Variants in STRIP2 observed in about 807,000 individuals in gnomAD.
STRIP2 encodes striatin-interacting protein 2.
Under a neutral mutation model 107.1 loss-of-function variants are expected in STRIP2, and 84 were observed. The ratio of observed to expected loss-of-function variants is 0.78; its 90% CI spans 0.66 to 0.94. The LOEUF (loss-of-function observed/expected upper bound fraction) is 0.94. Among genes scored for constraint, STRIP2 ranks in the 40% least tolerant of loss-of-function variants. The pLI is 0.00. For synonymous variants in STRIP2, 394 were observed against 400.4 expected, an observed-to-expected ratio of 0.98 and a Z score of 0.19; for missense variants, 888 against 1,034.2, an observed-to-expected ratio of 0.86 and a Z score of 1.94.
chr7:129,467,531 T>G, intron 17 of STRIP2, 81 bp downstream of exon 17: 1 of 964,224 alleles, frequency 1.0e-6, no homozygotes, highest in South Asian at 1.5e-5. Context: ...GCCTTTCAGT[T>G]TTCCTGGTGT....
intron 1 of STRIP2, among the ~76,000 whole-genome samples, chr7:129,437,808 T>G (rs1288590564): frequency 6.0e-5 from 9 of 151,256 alleles, no homozygotes; most frequent in Middle Eastern, 3.4e-3. Flanking sequence ...CTTGTTTTTT[T>G]TTGTTTTTTT....
At chr7:129,459,440 A>G in intron 11 of STRIP2, 77 bp from the exon 12 acceptor site, 1 of 1,254,270 alleles carries the variant, frequency 8.0e-7, no homozygotes, top group Non-Finnish European at 1.2e-6. Flanking sequence ...TGGTCTGTTG[A>G]CTCTAGGGGG....
chr7:129,434,484 C>G lies in STRIP2; in HGVS notation c.12C>G (p.Pro4=). 1 of 1,514,412 alleles carries G rather than the reference C, an allele frequency of 6.6e-7. No individual in the cohort carries two copies. Among genetic ancestry groups the G allele is most frequent in the South Asian group, 1.2e-5 (1 of 81,690 alleles). 93.8% of individuals were successfully genotyped at this position (1,514,412 alleles called of 1,614,324 possible). Reference sequence around the variant, plus strand: ...CGCTGACCAGCAGCATGGAGGACCCCGCCGCGCCTGGGACCGGGGGCCCGC... The same window carrying G: ...CGCTGACCAGCAGCATGGAGGACCCGGCCGCGCCTGGGACCGGGGGCCCGC... MED[P]AAPGTGGPPA... Residue 4 remains proline (P), a synonymous_variant, in exon 1 of 21, where the codon CCC becomes CCG. Transcript: ENST00000249344.
chr7:129,434,845 G>A (rs1797689262), intron 1 of STRIP2, among the ~76,000 whole-genome samples: 1 of 152,262 alleles, frequency 6.6e-6, no homozygotes, highest in Non-Finnish European at 1.5e-5. Context: ...GCGAAGATGA[G>A]CGCGGTATTG....
chr7:129,480,689 A>G (rs1425596154), intron 18 of STRIP2, 96 bp from the exon 19 acceptor site: 1 of 883,252 alleles, frequency 1.1e-6, no homozygotes, highest in Non-Finnish European at 1.8e-6. Context: ...TCATACAGGA[A>G]GGCCTCACCT....
intron 18 of STRIP2, among the ~76,000 whole-genome samples, chr7:129,480,159 G>GTAGA (rs1389567834): frequency 6.6e-6 from 1 of 152,168 alleles, no homozygotes; most frequent in Non-Finnish European, 1.5e-5. Context: ...CTTTCTATGA[G>GTAGA]TAGATACCTG....
chr7:129,434,448 C>T lies in STRIP2; in HGVS notation c.-25C>T. Reference sequence around the variant, plus strand: ...CGCCTCCGGCAAAGCGAGCTGAACCCTGAGGGGAGCCGCTGACCAGCAGCA... The same window carrying T: ...CGCCTCCGGCAAAGCGAGCTGAACCTTGAGGGGAGCCGCTGACCAGCAGCA... On this transcript the variant is annotated 5_prime_UTR_variant, in exon 1 of 21. Transcript: ENST00000249344. 2 of 1,491,288 alleles carry T rather than the reference C, an allele frequency of 1.3e-6. No individual in the cohort carries two copies. Among genetic ancestry groups the T allele is most frequent in the South Asian group, 1.3e-5 (1 of 78,950 alleles). The allele number at this position is 1,491,288 out of a possible 1,614,324, so 92.4% of individuals were successfully genotyped here. A position where few individuals can be genotyped will look rare whatever the true frequency, so the allele number is the denominator to read the frequency against.
In STRIP2 at chr7:129,454,477, C is replaced by A; in HGVS notation, c.656C>A (p.Thr219Lys). 1.9e-6 allele frequency: 3 copies of A among 1,614,164 alleles called. No homozygotes were observed. Among genetic ancestry groups the A allele is most frequent in the Non-Finnish European group, 2.5e-6 (3 of 1,180,000 alleles). ...GAAAATATTCGCCTGGAGCGAGAGA[C>A]AGACCCCTGTGGGTGGAGAACAGCC... The part of the protein sequence containing the change: ...MVENIRLERE[T>K]DPCGWRTARE... The change falls in exon 7 of 21, where the codon ACA becomes AAA. Residue 219 changes from threonine (T) to lysine (K), a missense_variant. Transcript: ENST00000249344.
In STRIP2 at chr7:129,470,724, A is replaced by G. The variant is rs768794493; in HGVS notation, c.1944+9A>G. Reference sequence around the variant, plus strand: ...TTACTACTGAAAGTCTGGTAAGCAGATGGGGATTTGGTAGCCTTTGAAATT... The same window carrying G: ...TTACTACTGAAAGTCTGGTAAGCAGGTGGGGATTTGGTAGCCTTTGAAATT... On this transcript the variant is annotated intron_variant, in intron 18 of 20. Transcript: ENST00000249344. 3 of 1,612,848 alleles carry G rather than the reference A, an allele frequency of 1.9e-6. No individual in the cohort carries two copies. The highest frequency in any genetic ancestry group is 2.7e-5 in the African/African-American group (2 of 75,002).
Position 129,470,642 on chromosome 7 carries a change from C to G in STRIP2, c.1878-7C>G. 1 of 1,613,216 alleles carries G rather than the reference C, an allele frequency of 6.2e-7. No individual in the cohort carries two copies. The highest frequency in any genetic ancestry group is 8.5e-7 in the Non-Finnish European group (1 of 1,179,138). On this transcript the variant is annotated splice_polypyrimidine_tract_variant and splice_region_variant and intron_variant, in intron 17 of 20. Coordinates refer to ENST00000249344, the MANE Select transcript of STRIP2 (RefSeq NM_020704.3). ...CTAAAGCCTGTCCTTATCTCTGCAT[C>G]TTACAGCATCTCAGTCCTGGATTAT...
At chr7:129,472,695 T>A (rs914635203) in intron 18 of STRIP2, among the ~76,000 whole-genome samples, 4 of 151,942 alleles carry the variant, frequency 2.6e-5, no homozygotes, top group African/African-American at 9.7e-5. Context: ...GTAAGATATA[T>A]CTGTTTTTTT....
At position 129,467,839 on chromosome 7, in the gene STRIP2, G is replaced by A. The variant is rs1043077570; in HGVS notation, c.1877+389G>A. 2.6e-5 allele frequency among the ~76,000 whole-genome samples: 4 copies of A among 152,094 alleles called. No homozygotes were observed. In the East Asian group the frequency reaches 5.8e-4, roughly 22 times the overall value. On this transcript the variant is annotated intron_variant, in intron 17 of 20. Coordinates refer to ENST00000249344, the MANE Select transcript of STRIP2 (RefSeq NM_020704.3). ...GTTATACTGTTTCATAAACTGTAATGTATTATACAAAATTTGTAACTGAAG... is the reference window on the plus strand; with the variant it reads ...GTTATACTGTTTCATAAACTGTAATATATTATACAAAATTTGTAACTGAAG...
At chr7:129,435,992 A>G (rs1036759901) in intron 1 of STRIP2, among the ~76,000 whole-genome samples, 5 of 152,090 alleles carry the variant, frequency 3.3e-5, no homozygotes, top group East Asian at 1.9e-4. Context: ...ACCACCTTGC[A>G]GAGGCAGAGA....
Position 129,453,217 on chromosome 7 carries a change from G to A in STRIP2, c.410-10G>A. 1 of 1,613,924 alleles carries A rather than the reference G, an allele frequency of 6.2e-7. No homozygotes were observed. Among genetic ancestry groups the A allele is most frequent in the Non-Finnish European group, 8.5e-7 (1 of 1,179,898 alleles). On this transcript the variant is annotated splice_polypyrimidine_tract_variant and intron_variant, in intron 4 of 20. Transcript: ENST00000249344. The stretch of plus-strand genomic sequence containing the variant: ...CCCTCAACCCCTGTAACAACTGTCT[G>A]GTCCTTTAGGTACTTTTGGGGAATG...
intron 16 of STRIP2, among the ~76,000 whole-genome samples, chr7:129,465,339 G>A (rs1186134594): frequency 6.6e-6 from 1 of 152,156 alleles, no homozygotes; most frequent in Non-Finnish European, 1.5e-5. Flanking sequence ...GGAATTGTTA[G>A]GGAAGGAGGA....
At chr7:129,473,634 T>A (rs910050550) in intron 18 of STRIP2, among the ~76,000 whole-genome samples, 9 of 152,196 alleles carry the variant, frequency 5.9e-5, no homozygotes, top group African/African-American at 1.9e-4. Context: ...CCTCCCAAAT[T>A]GCTGGGATTA....
At chr7:129,434,914 A>G (rs1388715529) in intron 1 of STRIP2, among the ~76,000 whole-genome samples, 1 of 152,266 alleles carries the variant, frequency 6.6e-6, no homozygotes, top group African/African-American at 2.4e-5. Flanking sequence ...CCCCTGAAGC[A>G]GAAATTCCGA....
chr7:129,467,483 C>G lies in STRIP2; in HGVS notation c.1877+33C>G. ...CTCTGGACAGGTTTATTTCAAGGGGCTATTTTGGGGTGGTTGAGAAAATTA... is the reference window on the plus strand; with the variant it reads ...CTCTGGACAGGTTTATTTCAAGGGGGTATTTTGGGGTGGTTGAGAAAATTA... On this transcript the variant is annotated intron_variant, in intron 17 of 20. Transcript: ENST00000249344. The G allele has an allele frequency of 2.0e-6, 3 of 1,529,386 alleles. No individual in the cohort carries two copies. The South Asian group carries it at 3.4e-5, about 17-fold the overall frequency. The allele number at this position is 1,529,386 out of a possible 1,614,324, so 94.7% of individuals were successfully genotyped here.
At position 129,464,740 on chromosome 7, in the gene STRIP2, T is replaced by C. The variant is rs1216630297; in HGVS notation, c.1776+2T>C. The C allele has an allele frequency of 2.5e-6, 4 of 1,614,142 alleles. No individual in the cohort carries two copies. The East Asian group carries it at 8.9e-5, about 36-fold the overall frequency. Reference sequence around the variant, plus strand: ...TTCAAACTCAACCATATCTACCAGGTGAGCAGCTAGGAGCACTTCTCCACA... The same window carrying C: ...TTCAAACTCAACCATATCTACCAGGCGAGCAGCTAGGAGCACTTCTCCACA... On this transcript the variant is annotated splice_donor_variant, in intron 16 of 20. Transcript: ENST00000249344. LOFTEE classifies it high-confidence loss of function.
Sources: allele counts gnomAD v4.1 joint callset (sites outside exome capture counted in the v4.1 genomes callset), GRCh38; gene constraint gnomAD v4.1.1; transcripts MANE v1.5; gene names NCBI Gene and HGNC (gene_info 2026-07-23, HGNC 2026-07-21).